Variants in RHEB observed in about 807,000 individuals in gnomAD.
RHEB encodes GTP-binding protein Rheb.
A neutral mutation model predicts 28.8 loss-of-function variants in RHEB; 2 were observed. That is an observed-to-expected ratio of 0.07 (90% confidence interval 0.03 to 0.22). The LOEUF (loss-of-function observed/expected upper bound fraction) is 0.22. RHEB is among the 10% of genes least tolerant of loss of function. The pLI is 1.00. For missense variants in RHEB, 76 were observed against 219.9 expected (o/e 0.35, Z 4.14); for synonymous variants, 69 against 77.3 (o/e 0.89, Z 0.56).
chr7:151,478,386 A>T (rs968227797), intron 3 of RHEB, among the ~76,000 whole-genome samples: 13 of 148,278 alleles, frequency 8.8e-5, no homozygotes, highest in African/African-American at 3.1e-4. Context: ...AGTTCTTTAA[A>T]GAAAAAAAAA....
chr7:151,482,537 T>C (rs932039256), intron 3 of RHEB, among the ~76,000 whole-genome samples: 3 of 152,216 alleles, frequency 2.0e-5, no homozygotes, highest in Admixed American at 1.3e-4. Flanking sequence ...ACAAAACGTG[T>C]TTCCACAGTA....
chr7:151,476,961 T>C (rs1395234604), intron 4 of RHEB, among the ~76,000 whole-genome samples: 1 of 152,226 alleles, frequency 6.6e-6, no homozygotes, highest in Non-Finnish European at 1.5e-5. Flanking sequence ...AAGGATAAGA[T>C]ATTGAACAAA....
At chr7:151,489,069 C>T (rs539064299) in intron 2 of RHEB, among the ~76,000 whole-genome samples, 45 of 152,250 alleles carry the variant, frequency 3.0e-4, no homozygotes, top group African/African-American at 9.9e-4. Flanking sequence ...GCTGAGACTA[C>T]AGGCACACAC....
chr7:151,482,385 T>C (rs1488595122), intron 3 of RHEB, among the ~76,000 whole-genome samples: 1 of 152,154 alleles, frequency 6.6e-6, no homozygotes, highest in Non-Finnish European at 1.5e-5. Context: ...ATTAAGGGCA[T>C]GAGCCACCAT....
At chr7:151,473,373 C>T (rs937206716) in intron 4 of RHEB, among the ~76,000 whole-genome samples, 1 of 152,212 alleles carries the variant, frequency 6.6e-6, no homozygotes, top group Admixed American at 6.5e-5. Flanking sequence ...CATCTTCCCC[C>T]AGGCAAGCCT....
intron 4 of RHEB, among the ~76,000 whole-genome samples, chr7:151,476,459 G>A (rs2150922510): frequency 6.6e-6 from 1 of 152,354 alleles, no homozygotes; most frequent in Non-Finnish European, 1.5e-5. Flanking sequence ...CTGTGGAACT[G>A]GAGAGATGGC....
intron 2 of RHEB, among the ~76,000 whole-genome samples, chr7:151,485,721 C>CT (rs2150926867): frequency 6.6e-6 from 1 of 152,284 alleles, no homozygotes; most frequent in South Asian, 2.1e-4. Flanking sequence ...TGAGAAAACT[C>CT]TAAGTAATAA....
intron 1 of RHEB, among the ~76,000 whole-genome samples, chr7:151,497,703 T>C (rs943435816): frequency 5.9e-5 from 9 of 152,190 alleles, no homozygotes; most frequent in East Asian, 1.9e-4. Context: ...GAGCTGGGCA[T>C]GTAGCCCTGT....
At chr7:151,482,073 C>T (rs558364873) in intron 3 of RHEB, among the ~76,000 whole-genome samples, 6 of 152,224 alleles carry the variant, frequency 3.9e-5, no homozygotes, top group Non-Finnish European at 8.8e-5. Context: ...AACATGTGCA[C>T]TTCCACCATG....
At chr7:151,490,900 A>C (rs1380164081) in intron 2 of RHEB, 43 bp downstream of exon 2, 1 of 1,423,236 alleles carries the variant, frequency 7.0e-7, no homozygotes, top group Non-Finnish European at 9.9e-7. Context: ...TTTTACACAA[A>C]AGAAGGCTTC....
chr7:151,471,811 T>C (rs770138638), intron 4 of RHEB: 9 of 492,574 alleles, frequency 1.8e-5, no homozygotes, highest in Non-Finnish European at 2.9e-5. Flanking sequence ...ACTGAGGATA[T>C]TCAAAGTGAA....
intron 4 of RHEB, among the ~76,000 whole-genome samples, chr7:151,473,120 T>C (rs1300086568): frequency 6.6e-6 from 1 of 152,196 alleles, no homozygotes; most frequent in Admixed American, 6.5e-5. Context: ...GTGACGTGCG[T>C]CTAATGAACA....
chr7:151,473,223 A>C (rs1584847511), intron 4 of RHEB, among the ~76,000 whole-genome samples: 1 of 152,164 alleles, frequency 6.6e-6, no homozygotes, highest in Non-Finnish European at 1.5e-5. Flanking sequence ...TCTCTTGTGC[A>C]CCTGCCCCAA....
chr7:151,502,758 C>T (rs1802795411), intron 1 of RHEB: 12 of 1,506,408 alleles, frequency 8.0e-6, no homozygotes, highest in Admixed American at 1.7e-5. Context: ...AATGGAAAAG[C>T]GACATAACTA....
chr7:151,492,606 G>A (rs1275765927), intron 1 of RHEB, among the ~76,000 whole-genome samples: 2 of 150,170 alleles, frequency 1.3e-5, no homozygotes, highest in African/African-American at 4.9e-5. Context: ...AACAGAGTGA[G>A]ACTCTGTCTT....
intron 1 of RHEB, among the ~76,000 whole-genome samples, chr7:151,517,209 A>G (rs1803096762): frequency 6.6e-6 from 1 of 152,126 alleles, no homozygotes; most frequent in South Asian, 2.1e-4. Context: ...TCTCTACTAA[A>G]AATACAAAAT....
At chr7:151,473,260 G>GAGGGCAGCCTC (rs1802197457) in intron 4 of RHEB, among the ~76,000 whole-genome samples, 1 of 152,264 alleles carries the variant, frequency 6.6e-6, no homozygotes, top group Non-Finnish European at 1.5e-5. Flanking sequence ...GCAAGGAGCA[G>GAGGGCAGCCTC]AGGGCAGCCT....
chr7:151,467,223 A>G lies in RHEB; in HGVS notation c.463-12T>C. 3 of 1,592,916 alleles carry G rather than the reference A, an allele frequency of 1.9e-6. No individual in the cohort carries two copies. Among genetic ancestry groups the G allele is most frequent in the Non-Finnish European group, 2.6e-6 (3 of 1,160,878 alleles). On this transcript the variant is annotated splice_polypyrimidine_tract_variant and intron_variant, in intron 7 of 7. Coordinates refer to ENST00000262187, the MANE Select transcript of RHEB (RefSeq NM_005614.4). ...ACATCCACAGCAGTCTGAAAAGAGA[A>G]AGAAACCCAATCACAGTGTTAGTGT... is the stretch of plus-strand genomic sequence containing the variant.
At chr7:151,498,671 T>C (rs893977820) in intron 1 of RHEB, among the ~76,000 whole-genome samples, 3 of 152,166 alleles carry the variant, frequency 2.0e-5, no homozygotes, top group Non-Finnish European at 4.4e-5. Context: ...CTTCTGGATG[T>C]CTACCTCCCT....
Sources: gnomAD v4.1 joint callset for allele counts (sites outside exome capture counted in the v4.1 genomes callset) on GRCh38, gnomAD v4.1.1 for gene constraint, MANE v1.5 for transcripts, NCBI Gene and HGNC (gene_info 2026-07-23, HGNC 2026-07-21) for gene names.